The following SLC5A12 variants were observed in gnomAD, a reference collection of about 807,000 sequenced individuals.
SLC5A12 encodes sodium-coupled monocarboxylate transporter 2.
Under a neutral mutation model 72.7 loss-of-function variants are expected in SLC5A12, and 46 were observed. The ratio of observed to expected loss-of-function variants is 0.63; its 90% CI spans 0.50 to 0.81. The LOEUF (loss-of-function observed/expected upper bound fraction) is 0.81. Ranked by LOEUF, SLC5A12 falls within the 30% of genes least tolerant of loss-of-function variation. SLC5A12 has a pLI of 0.00. For missense variants in SLC5A12, 683 were observed against 740.7 expected, an observed-to-expected ratio of 0.92 and a Z score of 0.90; for synonymous variants, 275 against 264.4, an observed-to-expected ratio of 1.04 and a Z score of -0.39.
rs1040255617 is a variant in SLC5A12, at chr11:26,722,024, G to T, written c.-310C>A. On this transcript the variant is annotated 5_prime_UTR_variant, in exon 1 of 15. The change creates a new upstream start codon in the 5' untranslated region. Transcript: ENST00000396005. ...GCATATGCCACAGAGAAGGAATTCA[G>T]ATGTGTTCTGAAATTAATAACCACT... 9.4e-6 allele frequency: 3 copies of T among 319,292 alleles called. No individual in the cohort carries two copies. The South Asian group carries it at 1.7e-4, about 18-fold the overall frequency. The allele number at this position is 319,292 out of a possible 1,614,324, so 19.8% of individuals were successfully genotyped here.
intron 11 of SLC5A12, among the ~76,000 whole-genome samples, chr11:26,682,493 T>G (rs1854433210): frequency 6.6e-6 from 1 of 152,050 alleles, no homozygotes; most frequent in Admixed American, 6.6e-5. Context: ...GAGCCATGAT[T>G]GGTTAGTAGG....
At chr11:26,699,062 G>C (rs1355426972) in intron 6 of SLC5A12, among the ~76,000 whole-genome samples, 1 of 152,148 alleles carries the variant, frequency 6.6e-6, no homozygotes, top group African/African-American at 2.4e-5. Flanking sequence ...AAAAAACTTA[G>C]GATCATCTTA....
intron 1 of SLC5A12, among the ~76,000 whole-genome samples, chr11:26,718,463 T>TA (rs1855401970): frequency 6.6e-6 from 1 of 152,130 alleles, no homozygotes; most frequent in Admixed American, 6.5e-5. Context: ...TAGTCTTTTT[T>TA]ATTTTATTTT....
At chr11:26,700,506 A>AAAAT (rs57501561) in intron 6 of SLC5A12, among the ~76,000 whole-genome samples, 46,828 of 149,888 alleles carry the variant, frequency 0.31, 7,400 homozygotes, top group East Asian at 0.42. Flanking sequence ...ATGAACACTG[A>AAAAT]AAATAAATAA....
At chr11:26,703,770 T>C (rs753232883) in intron 5 of SLC5A12, 23 bp downstream of exon 5, 3 of 1,613,124 alleles carry the variant, frequency 1.9e-6, no homozygotes, top group Non-Finnish European at 2.5e-6. Flanking sequence ...TTGTAAAGTA[T>C]GAAAAAGTTG....
intron 4 of SLC5A12, among the ~76,000 whole-genome samples, chr11:26,705,366 A>C (rs1344117272): frequency 1.3e-5 from 2 of 152,102 alleles, no homozygotes; most frequent in Non-Finnish European, 2.9e-5. Flanking sequence ...TGCTTGGGAA[A>C]TGAATGAGCC....
rs1854123418 is a variant in SLC5A12, at chr11:26,670,884, T to C, written c.*218A>G. 2.6e-6 allele frequency: 1 copy of C among 383,550 alleles called. No individual in the cohort carries two copies. Among genetic ancestry groups the C allele is most frequent in the East Asian group, 4.1e-5 (1 of 24,562 alleles). 23.8% of individuals were successfully genotyped at this position (383,550 alleles called of 1,614,324 possible). ...AGTAGTCAAGGGCATTTGGAGCAGG[T>C]TGGTTTTTCTCTGTGAAAGTTGGAG... is the stretch of plus-strand genomic sequence containing the variant. On this transcript the variant is annotated 3_prime_UTR_variant, in exon 15 of 15. Coordinates refer to ENST00000396005, the MANE Select transcript of SLC5A12 (RefSeq NM_178498.4).
chr11:26,722,646 C>T (rs1222497069), upstream of SLC5A12, among the ~76,000 whole-genome samples: 1 of 152,040 alleles, frequency 6.6e-6, no homozygotes, highest in Admixed American at 6.6e-5. Context: ...CTCTTATTTT[C>T]ACCAGGTTAC....
chr11:26,685,785 G>C (rs1854518574), intron 10 of SLC5A12, among the ~76,000 whole-genome samples: 1 of 152,108 alleles, frequency 6.6e-6, no homozygotes, highest in Admixed American at 6.6e-5. Flanking sequence ...TCCACTAACT[G>C]TGAGAACTTG....
intron 11 of SLC5A12, among the ~76,000 whole-genome samples, chr11:26,683,028 T>C (rs1368761383): frequency 6.6e-6 from 1 of 152,112 alleles, no homozygotes; most frequent in Non-Finnish European, 1.5e-5. Flanking sequence ...AGTATATACA[T>C]TAATAAGTGT....
chr11:26,677,351 C>T (rs1260949109), intron 13 of SLC5A12, among the ~76,000 whole-genome samples: 1 of 152,154 alleles, frequency 6.6e-6, no homozygotes, highest in African/African-American at 2.4e-5. Flanking sequence ...GCTGTATCAA[C>T]ATAAGAGCAT....
At chr11:26,673,942 G>A (rs11029668) in intron 13 of SLC5A12, among the ~76,000 whole-genome samples, 7,085 of 152,142 alleles carry the variant, frequency 0.047, 522 homozygotes, top group African/African-American at 0.16. Flanking sequence ...ATTAGAAAGA[G>A]TATTTTTATT....
intron 6 of SLC5A12, among the ~76,000 whole-genome samples, 157 bp from the exon 7 acceptor site, chr11:26,698,692 AT>A (rs375451461): frequency 1.5e-4 from 23 of 148,634 alleles, no homozygotes; most frequent in Admixed American, 2.7e-4. Context: ...TACTTTTGCT[AT>A]TTTTTTTTTG....
chr11:26,671,054 T>TGTGTGTGTGTGTGA lies in SLC5A12; in HGVS notation c.*47_*48insTCACACACACACAC. On this transcript the variant is annotated 3_prime_UTR_variant, in exon 15 of 15. Coordinates refer to ENST00000396005, the MANE Select transcript of SLC5A12 (RefSeq NM_178498.4). ...GCAAGAAGTATGTGGAGTTTGTGTG[T>TGTGTGTGTGTGTGA]GTGTGTGTGTATTGCACGTGTGTGT... 6.5e-7 allele frequency: 1 copy of TGTGTGTGTGTGTGA among 1,535,456 alleles called. No individual in the cohort carries two copies. The highest frequency in any genetic ancestry group is 8.9e-7 in the Non-Finnish European group (1 of 1,128,200).
In SLC5A12 at chr11:26,673,432, A is replaced by G. The variant is rs4369354; in HGVS notation, c.1677T>C (p.Cys559=). 0.48 allele frequency: 774,187 copies of G among 1,606,710 alleles called. 189,004 individuals carry two copies. The highest frequency in any genetic ancestry group is 0.51 in the South Asian group (45,640 of 89,700). The change falls in exon 14 of 15, where the codon TGT becomes TGC. Residue 559 remains cysteine (C), a synonymous_variant. Transcript: ENST00000396005. The part of the protein sequence containing the change: ...WSKKYKTLCW[C]GVQHDSGTEQ... The stretch of plus-strand genomic sequence containing the variant: ...CTGTCCCACTGTCATGCTGAACTCC[A>G]CACCAGCATAGTGTTTTGTACTTCT...
At chr11:26,717,560 G>A (rs147665183) in intron 1 of SLC5A12, among the ~76,000 whole-genome samples, 3,015 of 152,260 alleles carry the variant, frequency 0.02, 143 homozygotes, top group Admixed American at 0.12. Context: ...TTGTGACAGG[G>A]TAGTGATAAA....
intron 6 of SLC5A12, among the ~76,000 whole-genome samples, chr11:26,702,652 C>T (rs1204914294): frequency 6.6e-6 from 1 of 152,088 alleles, no homozygotes; most frequent in Admixed American, 6.6e-5. Context: ...GAGGCTTGTG[C>T]CTCTGCTTGT....
chr11:26,674,385 A>AAAAAAAAG (rs1565182613), intron 13 of SLC5A12, among the ~76,000 whole-genome samples: 6 of 150,794 alleles, frequency 4.0e-5, no homozygotes, highest in African/African-American at 1.2e-4. Flanking sequence ...GACAAAAAAA[A>AAAAAAAAG]TAAAAAAATG....
At chr11:26,703,429 C>CACAT in intron 6 of SLC5A12, 102 bp downstream of exon 6, 1 of 1,201,172 alleles carries the variant, frequency 8.3e-7, no homozygotes. Context: ...CATACATACA[C>CACAT]ACACACACAC....
Sources: gnomAD v4.1 joint callset for allele counts (sites outside exome capture counted in the v4.1 genomes callset) on GRCh38, gnomAD v4.1.1 for gene constraint, MANE v1.5 for transcripts, NCBI Gene and HGNC (gene_info 2026-07-23, HGNC 2026-07-21) for gene names.